FILIP1: variants seen among roughly 807,000 people sequenced by gnomAD.
FILIP1 encodes filamin A interacting protein 1, also known as filamin-A-interacting protein 1.
In FILIP1, 61 loss-of-function variants were observed where a neutral mutation model predicts 102.1. That is an observed-to-expected ratio of 0.60 (90% CI 0.49 to 0.74). FILIP1 has a LOEUF of 0.74. FILIP1 is among the 30% of genes least tolerant of loss of function. The pLI is 0.00. For synonymous variants in FILIP1, 491 were observed against 526.9 expected, an observed-to-expected ratio of 0.93 and a Z score of 0.93; for missense variants, 1,314 against 1,441.2, an observed-to-expected ratio of 0.91 and a Z score of 1.43.
intron 1 of FILIP1, among the ~76,000 whole-genome samples, chr6:75,424,652 GA>G (rs1362693355): frequency 1.3e-5 from 2 of 152,086 alleles, no homozygotes; most frequent in Admixed American, 1.3e-4. Context: ...TTTCCTGATA[GA>G]AAAATATTTG....
intron 1 of FILIP1, among the ~76,000 whole-genome samples, chr6:75,432,370 C>T (rs1413070885): frequency 2.6e-5 from 4 of 152,150 alleles, no homozygotes; most frequent in African/African-American, 9.7e-5. Flanking sequence ...AAGGGCCAGG[C>T]CCTTGGTAAA....
intron 2 of FILIP1, among the ~76,000 whole-genome samples, chr6:75,400,103 G>A (rs142268201): frequency 2.0e-5 from 3 of 152,222 alleles, no homozygotes; most frequent in African/African-American, 4.8e-5. Flanking sequence ...TGATGCAGGC[G>A]TTAGGCACTG....
chr6:75,302,994 C>CTCAATTTAG (rs887501523), intron 6 of FILIP1, among the ~76,000 whole-genome samples: 9 of 152,100 alleles, frequency 5.9e-5, no homozygotes, highest in Non-Finnish European at 1.3e-4. Context: ...AGTTAAAACC[C>CTCAATTTAG]TCAATTTAGG....
At chr6:75,321,563 G>A (rs1243857419) in intron 4 of FILIP1, among the ~76,000 whole-genome samples, 1 of 152,266 alleles carries the variant, frequency 6.6e-6, no homozygotes, top group Non-Finnish European at 1.5e-5. Flanking sequence ...GGGAGGCCGA[G>A]GCGGGTGGAT....
intron 2 of FILIP1, among the ~76,000 whole-genome samples, chr6:75,388,530 T>C (rs979928442): frequency 2.0e-5 from 3 of 152,222 alleles, no homozygotes; most frequent in African/African-American, 7.2e-5. Context: ...TGTTTTTCCA[T>C]TTGTTTGTGT....
At position 75,322,940 on chromosome 6, in the gene FILIP1, C is replaced by A. The variant is rs549256664; in HGVS notation, c.630-7738G>T. ...AACTCCTGACCTCAGATGATCCACC[C>A]ACCTCGGCCTCCCAAAGTGCTGGGA... On this transcript the variant is annotated intron_variant, in intron 4 of 5. Transcript: ENST00000237172. Among the ~76,000 whole-genome samples the A allele has an allele frequency of 5.9e-5, 9 of 152,278 alleles. No individual in the cohort carries two copies. The South Asian group carries it at 1.9e-3, about 32-fold the overall frequency.
At chr6:75,310,456 T>C (rs949874413) in intron 5 of FILIP1, among the ~76,000 whole-genome samples, 2 of 152,222 alleles carry the variant, frequency 1.3e-5, no homozygotes, top group Non-Finnish European at 1.5e-5. Flanking sequence ...CCTCAGTGTT[T>C]AAATTCTAAG....
intron 4 of FILIP1, chr6:75,319,495 C>G (rs762732131): frequency 7.9e-5 from 47 of 591,732 alleles, no homozygotes; most frequent in Non-Finnish European, 1.3e-4. Flanking sequence ...ATTTTCCTTT[C>G]TCTTCAGCAG....
intron 6 of FILIP1, among the ~76,000 whole-genome samples, chr6:75,300,529 A>G (rs935422756): frequency 6.6e-6 from 1 of 152,230 alleles, no homozygotes; most frequent in Non-Finnish European, 1.5e-5. Flanking sequence ...GTACTTAGAT[A>G]TGATTTACTT....
At chr6:75,363,365 T>C (rs540023493) in intron 2 of FILIP1, among the ~76,000 whole-genome samples, 103 of 152,348 alleles carry the variant, frequency 6.8e-4, no homozygotes, top group Non-Finnish European at 5.7e-4. Flanking sequence ...AGTTATAACT[T>C]CATGTGTAAT....
chr6:75,292,100 A>T (rs1772560863), exon 7 of FILIP1: 1 of 152,240 alleles, frequency 6.6e-6, no homozygotes, highest in Non-Finnish European at 1.5e-5. Flanking sequence ...ACTTGGATTC[A>T]ATGAAAAATA....
intron 2 of FILIP1, among the ~76,000 whole-genome samples, chr6:75,400,894 A>T (rs1465895052): frequency 6.6e-6 from 1 of 152,196 alleles, no homozygotes; most frequent in African/African-American, 2.4e-5. Flanking sequence ...GAAGATCTCA[A>T]TCTTATAGGT....
intron 1 of FILIP1, among the ~76,000 whole-genome samples, chr6:75,489,223 C>A (rs1338935534): frequency 1.3e-5 from 2 of 152,004 alleles, no homozygotes; most frequent in Non-Finnish European, 2.9e-5. Flanking sequence ...GATTTCTTAG[C>A]CTTTTTAGTA....
At chr6:75,433,524 G>A (rs1777901061) in intron 1 of FILIP1, among the ~76,000 whole-genome samples, 1 of 152,146 alleles carries the variant, frequency 6.6e-6, no homozygotes, top group African/African-American at 2.4e-5. Flanking sequence ...TGATGGGGTT[G>A]ATTTTTTCTT....
intron 2 of FILIP1, among the ~76,000 whole-genome samples, chr6:75,378,409 C>T (rs560547222): frequency 1.2e-3 from 188 of 152,306 alleles, no homozygotes; most frequent in African/African-American, 4.4e-3. Flanking sequence ...CAGACAAAAG[C>T]CTGTTCAGCC....
At chr6:75,326,694 A>T (rs1773877246) in intron 4 of FILIP1, among the ~76,000 whole-genome samples, 1 of 152,224 alleles carries the variant, frequency 6.6e-6, no homozygotes, top group African/African-American at 2.4e-5. Flanking sequence ...ATCATTATTT[A>T]ACTTAAGAGA....
intron 1 of FILIP1, among the ~76,000 whole-genome samples, chr6:75,448,114 G>T (rs142803158): frequency 2.0e-5 from 3 of 152,174 alleles, no homozygotes; most frequent in Admixed American, 6.5e-5. Context: ...AAATAAGTTT[G>T]AAATTTCTGT....
At chr6:75,445,740 A>G (rs1243322955) in intron 1 of FILIP1, among the ~76,000 whole-genome samples, 4 of 152,130 alleles carry the variant, frequency 2.6e-5, no homozygotes, top group Non-Finnish European at 5.9e-5. Context: ...TGTAGATTCC[A>G]TTCTGCAAAG....
chr6:75,480,988 T>G (rs1779635170), intron 1 of FILIP1, among the ~76,000 whole-genome samples: 1 of 152,222 alleles, frequency 6.6e-6, no homozygotes, highest in Admixed American at 6.5e-5. Flanking sequence ...ATCAGATGTT[T>G]GAGCTTTTCA....
Sources: gnomAD v4.1 joint callset for allele counts (sites outside exome capture counted in the v4.1 genomes callset) on GRCh38, gnomAD v4.1.1 for gene constraint, MANE v1.5 for transcripts, NCBI Gene and HGNC (gene_info 2026-07-23, HGNC 2026-07-21) for gene names.